Variants in ZNF804B observed in about 807,000 individuals in gnomAD.
The protein encoded by ZNF804B is zinc finger protein 804B, also known as zinc finger 804B.
Under a neutral mutation model 101.4 loss-of-function variants are expected in ZNF804B, and 80 were observed. That is an observed-to-expected ratio of 0.79 (90% CI 0.66 to 0.95). The LOEUF is 0.95. ZNF804B is among the 40% of genes least tolerant of loss of function. The pLI is 0.00. For missense variants in ZNF804B, 1,673 were observed against 1,561.9 expected (o/e 1.07, Z -1.20); for synonymous variants, 622 against 558.8 (o/e 1.11, Z -1.59).
rs1393583859 is a variant in ZNF804B, at chr7:89,115,140, C to T, written c.109-103015C>T. ...TAGAAGAGGGAATCAAGGTCAAGCA[C>T]ATTTATGATTGGCAAAATGAACTCT... is the stretch of plus-strand genomic sequence containing the variant. On this transcript the variant is annotated intron_variant, in intron 1 of 3. Coordinates refer to ENST00000333190, the MANE Select transcript of ZNF804B (RefSeq NM_181646.5). Among the ~76,000 whole-genome samples, 3 of 152,090 alleles carry T rather than the reference C, an allele frequency of 2.0e-5. No individual in the cohort carries two copies. In the South Asian group the frequency reaches 6.2e-4, roughly 32 times the overall value.
intron 1 of ZNF804B, among the ~76,000 whole-genome samples, chr7:89,060,283 G>A (rs953186657): frequency 4.6e-5 from 7 of 152,126 alleles, no homozygotes; most frequent in African/African-American, 1.7e-4. Flanking sequence ...TTGGTACTGG[G>A]AAAGCTGAAT....
chr7:89,176,580 TTTC>T (rs1791322835), intron 1 of ZNF804B, among the ~76,000 whole-genome samples: 2 of 123,138 alleles, frequency 1.6e-5, no homozygotes, highest in African/African-American at 3.3e-5. Flanking sequence ...TTTTTCTTTC[TTTC>T]TTTCTTTCTT....
intron 1 of ZNF804B, among the ~76,000 whole-genome samples, chr7:89,142,689 A>T (rs895541063): frequency 2.6e-5 from 4 of 152,040 alleles, no homozygotes; most frequent in Non-Finnish European, 5.9e-5. Flanking sequence ...TTCAGTGGAA[A>T]GTTAGTTCAA....
intron 1 of ZNF804B, among the ~76,000 whole-genome samples, chr7:89,097,123 G>A (rs2116333122): frequency 6.6e-6 from 1 of 152,246 alleles, no homozygotes; most frequent in South Asian, 2.1e-4. Context: ...TGGGATACGT[G>A]CAGCTGCATC....
At chr7:88,934,754 C>T (rs545445945) in intron 1 of ZNF804B, among the ~76,000 whole-genome samples, 8 of 151,936 alleles carry the variant, frequency 5.3e-5, no homozygotes, top group East Asian at 3.9e-4. Flanking sequence ...ATGTTGGTGT[C>T]GATGTGTTGA....
chr7:88,985,395 C>G (rs1049127886), intron 1 of ZNF804B, among the ~76,000 whole-genome samples: 11 of 151,962 alleles, frequency 7.2e-5, no homozygotes, highest in Admixed American at 2.0e-4. Context: ...AGGCACTACC[C>G]TATCACATTC....
chr7:89,242,145 T>C (rs1184077560), intron 2 of ZNF804B, among the ~76,000 whole-genome samples: 3 of 151,988 alleles, frequency 2.0e-5, no homozygotes, highest in Non-Finnish European at 4.4e-5. Flanking sequence ...AGATCCTTAA[T>C]TGATGAGGCT....
intron 1 of ZNF804B, among the ~76,000 whole-genome samples, chr7:88,788,168 G>A (rs1790330295): frequency 6.6e-6 from 1 of 152,064 alleles, no homozygotes; most frequent in African/African-American, 2.4e-5. Context: ...GGGACTTCTT[G>A]AGAAGGCCCT....
At chr7:88,800,725 TGTGTGTGTGC>T (rs373775038) in intron 1 of ZNF804B, among the ~76,000 whole-genome samples, 1 of 134,626 alleles carries the variant, frequency 7.4e-6, no homozygotes, top group African/African-American at 2.9e-5. Flanking sequence ...TGTGTGTGTG[TGTGTGTGTGC>T]TTAAAGCATA....
intron 1 of ZNF804B, among the ~76,000 whole-genome samples, chr7:89,193,490 G>C (rs1213514857): frequency 8.2e-6 from 1 of 121,254 alleles, no homozygotes; most frequent in African/African-American, 3.3e-5. Context: ...AGTCCCCAGA[G>C]TGTGATGTTC....
chr7:89,111,836 A>G lies in ZNF804B; in HGVS notation c.109-106319A>G, dbSNP rs577273377. ...TGCTATAAAATTGTATTCTTAAAAT[A>G]GTTAAAATAGGGCTAGGTGCACTTT... is the stretch of plus-strand genomic sequence containing the variant. On this transcript the variant is annotated intron_variant, in intron 1 of 3. Coordinates refer to ENST00000333190, the MANE Select transcript of ZNF804B (RefSeq NM_181646.5). 1.3e-4 allele frequency among the ~76,000 whole-genome samples: 20 copies of G among 152,310 alleles called. No homozygotes were observed. In the South Asian group the frequency reaches 4.1e-3, roughly 32 times the overall value.
chr7:89,111,512 C>A (rs1476736350), intron 1 of ZNF804B, among the ~76,000 whole-genome samples: 3 of 152,158 alleles, frequency 2.0e-5, no homozygotes, highest in Non-Finnish European at 4.4e-5. Context: ...GCTTATTTGC[C>A]ACATGAATGT....
intron 1 of ZNF804B, among the ~76,000 whole-genome samples, chr7:88,843,463 C>T (rs774720359): frequency 1.2e-4 from 19 of 152,124 alleles, no homozygotes; most frequent in Admixed American, 5.2e-4. Flanking sequence ...AAAGGCTGGG[C>T]GCGGTAGCTC....
chr7:88,930,340 T>C (rs1217207659), intron 1 of ZNF804B, among the ~76,000 whole-genome samples: 1 of 151,910 alleles, frequency 6.6e-6, no homozygotes, highest in East Asian at 1.9e-4. Context: ...TGAGGAGAAA[T>C]GAAAAGTGTT....
intron 1 of ZNF804B, among the ~76,000 whole-genome samples, chr7:88,769,542 G>T (rs10264226): frequency 6.6e-6 from 1 of 152,070 alleles, no homozygotes; most frequent in Non-Finnish European, 1.5e-5. Context: ...TAGTTAAGCC[G>T]TATTTTTTCA....
intron 1 of ZNF804B, among the ~76,000 whole-genome samples, chr7:89,038,251 C>G (rs1376736716): frequency 6.6e-6 from 1 of 152,120 alleles, no homozygotes; most frequent in South Asian, 2.1e-4. Context: ...TACTCTTTTC[C>G]ATAATGTGTA....
chr7:89,037,049 C>T (rs1288959122), intron 1 of ZNF804B, among the ~76,000 whole-genome samples: 1 of 152,102 alleles, frequency 6.6e-6, no homozygotes, highest in African/African-American at 2.4e-5. Flanking sequence ...TTTTTAATTA[C>T]TTGCCACATT....
intron 1 of ZNF804B, among the ~76,000 whole-genome samples, chr7:89,196,652 G>A (rs369814943): frequency 2.6e-5 from 4 of 152,058 alleles, no homozygotes; most frequent in African/African-American, 9.7e-5. Flanking sequence ...AAGAGCTTCT[G>A]TATAGCAAAA....
At chr7:89,023,640 A>G (rs1057188367) in intron 1 of ZNF804B, among the ~76,000 whole-genome samples, 3 of 152,196 alleles carry the variant, frequency 2.0e-5, no homozygotes, top group South Asian at 2.1e-4. Context: ...ATCACTAGAT[A>G]AAGAAAAAAT....
Sources: gnomAD v4.1 joint callset for allele counts (sites outside exome capture counted in the v4.1 genomes callset) on GRCh38, gnomAD v4.1.1 for gene constraint, MANE v1.5 for transcripts, NCBI Gene and HGNC (gene_info 2026-07-23, HGNC 2026-07-21) for gene names.